The following LRRC71 variants were observed in gnomAD, a reference collection of about 807,000 sequenced individuals.
LRRC71 encodes the protein leucine rich repeat containing 71.
In LRRC71, 54 loss-of-function variants were observed where a neutral mutation model predicts 66.6. The ratio of observed to expected loss-of-function variants is 0.81; its 90% confidence interval spans 0.65 to 1.02. The LOEUF (loss-of-function observed/expected upper bound fraction) is 1.02. Ranked by LOEUF, LRRC71 falls within the 50% of genes least tolerant of loss-of-function variation. The pLI is 0.00. For missense variants in LRRC71, 724 were observed against 718.0 expected, an observed-to-expected ratio of 1.01 and a Z score of -0.10; for synonymous variants, 323 against 303.9, an observed-to-expected ratio of 1.06 and a Z score of -0.65.
Position 156,920,847 on chromosome 1 carries a change from C to G in LRRC71, c.44C>G (p.Pro15Arg). 1.3e-6 allele frequency: 2 copies of G among 1,537,406 alleles called. No homozygotes were observed. The highest frequency in any genetic ancestry group is 1.8e-6 in the Non-Finnish European group (2 of 1,140,428). The stretch of plus-strand genomic sequence containing the variant: ...GCGCCGGGGGCCTCACCCAGGGCCC[C>G]GCGTCCGGGGACCCAGAAGTCTTCT... ...QSAPGASPRA[P>R]RPGTQKSSGA... Residue 15 changes from proline to arginine, a missense_variant, in exon 1 of 15, where the codon CCG becomes CGG. Pro to Arg is a moderately radical substitution (Grantham distance 103, BLOSUM62 -2). Transcript: ENST00000337428. This position sits in a 1 kb window ranked among gnomAD's most constrained non-coding sequence, Gnocchi z 4.9.
downstream of LRRC71, chr1:156,936,177 GA>G: frequency 9.4e-7 from 1 of 1,066,562 alleles, no homozygotes; most frequent in Non-Finnish European, 1.5e-6. Flanking sequence ...TTCTCCTCCA[GA>G]AACCCCAGTT....
At chr1:156,940,903 A>G in the LRRC71 span, among the ~76,000 whole-genome samples, 23 of 151,982 alleles carry the variant, frequency 1.5e-4, no homozygotes, top group Non-Finnish European at 3.1e-4. Flanking sequence ...GAAACCCAAG[A>G]CCCCAGGTTA....
downstream of LRRC71, chr1:156,937,164 G>C (rs140462765): frequency 3.1e-6 from 5 of 1,591,308 alleles, no homozygotes; most frequent in Non-Finnish European, 3.4e-6. Flanking sequence ...TAGGGCTCCC[G>C]CGAAGACACA....
At chr1:156,929,224 C>A in intron 9 of LRRC71, 56 bp from the exon 10 acceptor site, 1 of 1,549,080 alleles carries the variant, frequency 6.5e-7, no homozygotes, top group Non-Finnish European at 8.7e-7. Context: ...TTTCATGCCC[C>A]CATTGAGGAA....
At chr1:156,939,814 G>A in the LRRC71 span, 1 of 1,613,752 alleles carries the variant, frequency 6.2e-7, no homozygotes. Flanking sequence ...GACAGAAGGT[G>A]TGGGTGTCAG....
the LRRC71 span, chr1:156,939,524 A>G: frequency 3.7e-6 from 6 of 1,606,392 alleles, no homozygotes; most frequent in South Asian, 6.6e-5. Flanking sequence ...TTGTCTCCCC[A>G]CTGGACACTC....
chr1:156,922,854 GTTC>G (rs1652596932), intron 1 of LRRC71, among the ~76,000 whole-genome samples: 1 of 152,178 alleles, frequency 6.6e-6, no homozygotes, highest in Admixed American at 6.5e-5. Flanking sequence ...GAGAATCTCT[GTTC>G]TTGAGAAGGG....
At chr1:156,923,152 C>T (rs924665390) in intron 1 of LRRC71, among the ~76,000 whole-genome samples, 6 of 152,332 alleles carry the variant, frequency 3.9e-5, no homozygotes, top group African/African-American at 1.4e-4. Flanking sequence ...TGCAGGTGTC[C>T]CTCCTGGCAC....
At chr1:156,937,734 G>T (rs1347833946), downstream of LRRC71, among the ~76,000 whole-genome samples, 1 of 152,188 alleles carries the variant, frequency 6.6e-6, no homozygotes, top group Admixed American at 6.5e-5. Flanking sequence ...GCTGAGCGAT[G>T]AACTCAAGGG....
downstream of LRRC71, chr1:156,936,010 G>A (rs751258316): frequency 1.2e-6 from 2 of 1,613,550 alleles, no homozygotes; most frequent in South Asian, 1.1e-5. Context: ...TTATGGTCCT[G>A]GTGACGCGGC....
intron 11 of LRRC71, among the ~76,000 whole-genome samples, chr1:156,930,116 G>A (rs1427589611): frequency 2.8e-5 from 1 of 35,362 alleles, no homozygotes; most frequent in African/African-American, 1.4e-4. Context: ...TTTTTTTGAT[G>A]GATTCTCACT....
Position 156,928,000 on chromosome 1 carries a change from G to T in LRRC71, c.992G>T (p.Arg331Leu). 6.3e-7 allele frequency: 1 copy of T among 1,595,534 alleles called. No homozygotes were observed. Among genetic ancestry groups the T allele is most frequent in the South Asian group, 1.1e-5 (1 of 87,942 alleles). ...GAAAAAGGGACACAGGAGCGCTCGCGATCGGTGAGGAGCTACCAGGCCCCA... is the reference window on the plus strand; with the variant it reads ...GAAAAAGGGACACAGGAGCGCTCGCTATCGGTGAGGAGCTACCAGGCCCCA... ...LLEKGTQERS[R>L]SPSSSRHGDS... is the part of the protein sequence containing the mutation. The change falls in exon 9 of 15, where the codon CGA becomes CTA. Residue 331 changes from arginine to leucine, a missense_variant. By Grantham distance (102) the Arg-to-Leu change is moderately radical. Coordinates refer to ENST00000337428, the MANE Select transcript of LRRC71 (RefSeq NM_144702.3).
At chr1:156,929,470 A>T (rs1553189422) in intron 10 of LRRC71, 41 bp downstream of exon 10, 4 of 1,612,552 alleles carry the variant, frequency 2.5e-6, no homozygotes, top group Non-Finnish European at 3.4e-6. Context: ...CTGGACGGAC[A>T]GGGGAGGGGG....
chr1:156,930,453 CTGT>C, intron 11 of LRRC71, 73 bp from the exon 12 acceptor site: 1 of 1,339,058 alleles, frequency 7.5e-7, no homozygotes, highest in Non-Finnish European at 1.0e-6. Flanking sequence ...GCCTCACAGC[CTGT>C]TTTCTCTGGG....
chr1:156,922,248 A>G (rs564967597), intron 1 of LRRC71, among the ~76,000 whole-genome samples: 2 of 152,282 alleles, frequency 1.3e-5, no homozygotes, highest in East Asian at 3.9e-4. Context: ...GAGTATAATT[A>G]GAGAAGAGGA....
chr1:156,936,497 A>ATAT (rs1553192805), downstream of LRRC71, among the ~76,000 whole-genome samples: 703 of 33,840 alleles, frequency 0.021, 13 homozygotes, highest in Non-Finnish European at 0.026. Flanking sequence ...AAAAAAAAAA[A>ATAT]ATATATATAT....
intron 12 of LRRC71, 100 bp downstream of exon 12, chr1:156,930,717 C>A: frequency 1.8e-6 from 2 of 1,116,910 alleles, no homozygotes; most frequent in Non-Finnish European, 1.3e-6. Context: ...TGGTCTCCAG[C>A]CCCATGCTGT....
At chr1:156,924,853 A>G (rs1467888282) in intron 4 of LRRC71, 85 bp from the exon 5 acceptor site, 3 of 1,514,994 alleles carry the variant, frequency 2.0e-6, no homozygotes, top group Non-Finnish European at 2.7e-6. Context: ...GAGGAAGGGC[A>G]CCGCTGGGAG....
At position 156,920,995 on chromosome 1, in the gene LRRC71, T is replaced by A. The variant is rs551094646; in HGVS notation, c.160+32T>A. 7.0e-4 allele frequency: 1,025 copies of A among 1,472,334 alleles called. No individual in the cohort carries two copies. The highest frequency in any genetic ancestry group is 8.7e-4 in the Non-Finnish European group (961 of 1,105,336). The allele number at this position is 1,472,334 out of a possible 1,614,324, so 91.2% of individuals were successfully genotyped here. A position where few individuals can be genotyped will look rare whatever the true frequency, so the allele number is the denominator to read the frequency against. ...TGGCGCCGGGGTTTGGGGATCGGGC[T>A]TCCAGGCTGCGTCTTCCCGGGTTCC... On this transcript the variant is annotated intron_variant, in intron 1 of 14. Transcript: ENST00000337428. This position sits in a 1 kb window ranked among gnomAD's most constrained non-coding sequence, Gnocchi z 4.9.
Sources: gnomAD v4.1 joint callset for allele counts (sites outside exome capture counted in the v4.1 genomes callset) on GRCh38, gnomAD v4.1.1 for gene constraint, Gnocchi (gnomAD v3.1) non-coding constraint, MANE v1.5 for transcripts, NCBI Gene and HGNC (gene_info 2026-07-23, HGNC 2026-07-21) for gene names.